VWA3B: variants seen among roughly 807,000 people sequenced by gnomAD.
VWA3B encodes von Willebrand factor A domain containing 3B, also known as von Willebrand factor A domain-containing protein 3B.
VWA3B carries 138 observed loss-of-function variants against 158.3 expected under a neutral mutation model. The observed-to-expected ratio is 0.87, with a 90% confidence interval of 0.76 to 1.00. The LOEUF (loss-of-function observed/expected upper bound fraction) is 1.00. Among genes scored for constraint, VWA3B ranks in the 50% least tolerant of loss-of-function variants. The pLI, the probability that VWA3B is intolerant of heterozygous loss-of-function variation, is 0.00. For missense variants in VWA3B, 1,555 were observed against 1,565.1 expected (o/e 0.99, Z 0.11); for synonymous variants, 596 against 587.3 (o/e 1.01, Z -0.21).
Position 98,217,886 on chromosome 2 carries a change from A to G in VWA3B, c.1877A>G (p.Glu626Gly). The G allele has an allele frequency of 6.2e-7, 1 of 1,611,454 alleles. No individual in the cohort carries two copies. The highest frequency in any genetic ancestry group is 1.3e-5 in the African/African-American group (1 of 74,798). Residue 626 changes from glutamate to glycine, a missense_variant, in exon 14 of 28, where the codon GAA (glutamate) becomes GGA (glycine). Transcript: ENST00000477737. ...TVIDQVKRFQ[E>G]IPIYTISFNY... ...ATAGACCAGGTCAAACGTTTTCAGG[A>G]AATTCCTATTTATACCATCTCCTTC...
intron 16 of VWA3B, among the ~76,000 whole-genome samples, chr2:98,232,418 A>G (rs566979884): frequency 6.6e-6 from 1 of 151,202 alleles, no homozygotes; most frequent in Admixed American, 6.6e-5. Context: ...CTATTTGTTC[A>G]TTTGTTTCCA....
intron 12 of VWA3B, among the ~76,000 whole-genome samples, chr2:98,197,321 GTT>G (rs1682136983): frequency 6.6e-6 from 1 of 152,160 alleles, no homozygotes; most frequent in Non-Finnish European, 1.5e-5. Flanking sequence ...GACCAGCAGT[GTT>G]TACTTTGATC....
At chr2:98,253,083 C>T (rs567868881) in intron 20 of VWA3B, among the ~76,000 whole-genome samples, 10 of 152,094 alleles carry the variant, frequency 6.6e-5, no homozygotes, top group Admixed American at 3.9e-4. Context: ...GAATATTATA[C>T]GGAACCAAAT....
At chr2:98,322,026 C>T in the VWA3B span, among the ~76,000 whole-genome samples, 2 of 152,302 alleles carry the variant, frequency 1.3e-5, no homozygotes, top group Admixed American at 1.3e-4. Flanking sequence ...GAGTTCCCTG[C>T]ACATGCTCTC....
chr2:98,131,174 C>T (rs1367052486), intron 6 of VWA3B, among the ~76,000 whole-genome samples: 4 of 152,168 alleles, frequency 2.6e-5, no homozygotes, highest in African/African-American at 4.8e-5. Context: ...TCAACTTTTC[C>T]ACCTCCTACC....
chr2:98,106,158 G>T (rs796912728), intron 2 of VWA3B, among the ~76,000 whole-genome samples: 1 of 151,882 alleles, frequency 6.6e-6, no homozygotes, highest in Admixed American at 6.6e-5. Context: ...CTCATGATCC[G>T]CCCACCTCGG....
chr2:98,328,160 C>T, the VWA3B span, among the ~76,000 whole-genome samples: 2 of 152,166 alleles, frequency 1.3e-5, no homozygotes, highest in Non-Finnish European at 2.9e-5. Flanking sequence ...TACTGCCACT[C>T]ATGGTGATAT....
At chr2:98,194,627 T>G (rs1393741560) in intron 12 of VWA3B, 135 bp downstream of exon 12, 1 of 1,074,392 alleles carries the variant, frequency 9.3e-7, no homozygotes, top group Non-Finnish European at 1.3e-6. Flanking sequence ...TAGACTTTTG[T>G]TTTGCTTGCA....
At position 98,298,041 on chromosome 2, in the gene VWA3B, C is replaced by G; in HGVS notation, c.3282+10C>G. On this transcript the variant is annotated intron_variant, in intron 24 of 27. Coordinates refer to ENST00000477737, the MANE Select transcript of VWA3B (RefSeq NM_144992.5). ...CTGCCCGCTGCTCCAGGTACCCAGT[C>G]CCTGATGTGTTCTGGGGCCCCTTTT... is the stretch of plus-strand genomic sequence containing the variant. The G allele has an allele frequency of 2.0e-6, 3 of 1,538,162 alleles. No homozygotes were observed. Among genetic ancestry groups the G allele is most frequent in the South Asian group, 1.3e-5 (1 of 78,874 alleles).
chr2:98,265,384 T>A (rs1687746864), intron 21 of VWA3B, among the ~76,000 whole-genome samples: 1 of 151,676 alleles, frequency 6.6e-6, no homozygotes, highest in African/African-American at 2.4e-5. Context: ...CATCCTTTTT[T>A]ATGGCTGCAT....
intron 22 of VWA3B, among the ~76,000 whole-genome samples, chr2:98,271,970 C>G (rs987951289): frequency 6.6e-6 from 1 of 152,216 alleles, no homozygotes; most frequent in Admixed American, 6.5e-5. Flanking sequence ...GTTCTCTCAA[C>G]CGGTGCTCTC....
In VWA3B at chr2:98,181,185, G is replaced by T; in HGVS notation, c.1284G>T (p.Pro428=). 6.2e-7 allele frequency: 1 copy of T among 1,614,204 alleles called. No individual in the cohort carries two copies. The highest frequency in any genetic ancestry group is 8.5e-7 in the Non-Finnish European group (1 of 1,180,014). The change falls in exon 9 of 28, where the codon CCG becomes CCT. Residue 428 remains proline, a synonymous_variant. Coordinates refer to ENST00000477737, the MANE Select transcript of VWA3B (RefSeq NM_144992.5). ...ADGVVDIKAK[P]ENESVQTSAE... Reference sequence around the variant, plus strand: ...GGGTTGTGGATATAAAAGCCAAACCGGAGAATGAGTCCGTGCAGACCAGTG... The same window carrying T: ...GGGTTGTGGATATAAAAGCCAAACCTGAGAATGAGTCCGTGCAGACCAGTG...
chr2:98,181,835 C>T (rs568318393), intron 9 of VWA3B, among the ~76,000 whole-genome samples: 2 of 152,240 alleles, frequency 1.3e-5, no homozygotes, highest in Admixed American at 6.5e-5. Flanking sequence ...TCAGTAGGTC[C>T]GAAATGTGGC....
At chr2:98,179,796 TTC>T (rs1417225141) in intron 8 of VWA3B, among the ~76,000 whole-genome samples, 1 of 78,836 alleles carries the variant, frequency 1.3e-5, no homozygotes, top group South Asian at 6.3e-4. Flanking sequence ...TTTTCTTTCT[TTC>T]TTTCTTTCTT....
chr2:98,135,763 A>G (rs1676238806), intron 7 of VWA3B, among the ~76,000 whole-genome samples: 1 of 152,192 alleles, frequency 6.6e-6, no homozygotes, highest in African/African-American at 2.4e-5. Flanking sequence ...TCTGTCCATC[A>G]CAATGTCCCA....
intron 19 of VWA3B, among the ~76,000 whole-genome samples, chr2:98,248,024 T>C (rs1322735428): frequency 6.6e-6 from 1 of 152,100 alleles, no homozygotes; most frequent in Non-Finnish European, 1.5e-5. Context: ...TTTTTAAAAA[T>C]TTTGTGTAGC....
intron 8 of VWA3B, among the ~76,000 whole-genome samples, chr2:98,175,934 G>A (rs949299490): frequency 1.3e-5 from 2 of 152,164 alleles, no homozygotes; most frequent in Non-Finnish European, 2.9e-5. Flanking sequence ...TTATTGCATG[G>A]TACTTTAGCA....
chr2:98,092,080 G>A (rs1275303216), intron 1 of VWA3B, among the ~76,000 whole-genome samples: 1 of 152,214 alleles, frequency 6.6e-6, no homozygotes, highest in African/African-American at 2.4e-5. Flanking sequence ...CAATTGTAGA[G>A]CAAAGCCCCA....
chr2:98,295,267 G>A (rs1386565238), intron 23 of VWA3B, among the ~76,000 whole-genome samples: 2 of 152,126 alleles, frequency 1.3e-5, no homozygotes, highest in East Asian at 1.9e-4. Flanking sequence ...GCCGGGCTTT[G>A]TATATCGGAA....
Sources: allele counts gnomAD v4.1 joint callset (sites outside exome capture counted in the v4.1 genomes callset), GRCh38; gene constraint gnomAD v4.1.1; transcripts MANE v1.5; gene names NCBI Gene and HGNC (gene_info 2026-07-23, HGNC 2026-07-21).